Variants in GPC4 observed in about 807,000 individuals in gnomAD.
GPC4 encodes glypican 4, also known as glypican-4.
A neutral mutation model predicts 35.0 loss-of-function variants in GPC4; 10 were observed. The observed-to-expected ratio is 0.29, with a 90% CI of 0.18 to 0.48. The LOEUF is 0.48. Ranked by LOEUF, GPC4 falls within the 20% of genes least tolerant of loss-of-function variation. The pLI, the probability that GPC4 is intolerant of heterozygous loss-of-function variation, is 0.99. For missense variants in GPC4, 322 were observed against 451.3 expected (o/e 0.71, Z 2.60); for synonymous variants, 167 against 170.2 (o/e 0.98, Z 0.15).
At chrX:133,391,154 G>C (rs111468633) in intron 1 of GPC4, among the ~76,000 whole-genome samples, 4 of 112,096 alleles carry the variant, frequency 3.6e-5, no homozygotes, top group African/African-American at 1.3e-4. Flanking sequence ...TGCTGTTGTT[G>C]TTATCATCTG....
chrX:133,335,417 T>A (rs1265165698), intron 2 of GPC4, among the ~76,000 whole-genome samples: 1 of 111,035 alleles, frequency 9.0e-6, no homozygotes, highest in Non-Finnish European at 1.9e-5. Flanking sequence ...GGGGAGGAAG[T>A]GTTCTCTTGT....
At chrX:133,391,239 A>G (rs745405489) in intron 1 of GPC4, among the ~76,000 whole-genome samples, 5 of 112,048 alleles carry the variant, frequency 4.5e-5, no homozygotes, top group Non-Finnish European at 9.4e-5. Context: ...AGGCCATGCA[A>G]CAAACATCCC....
intron 1 of GPC4, among the ~76,000 whole-genome samples, chrX:133,346,354 T>C (rs1485060019): frequency 9.0e-6 from 1 of 111,348 alleles, no homozygotes; most frequent in Non-Finnish European, 1.9e-5. Flanking sequence ...ATGTCCAAAG[T>C]TTTTCTTTTA....
intron 6 of GPC4, 30 bp from the exon 7 acceptor site, chrX:133,304,891 G>T: frequency 8.3e-7 from 1 of 1,200,942 alleles, no homozygotes; most frequent in South Asian, 1.8e-5. Flanking sequence ...AACAAAAAAA[G>T]ATCATTGTAA....
chrX:133,402,984 C>G (rs1449052414), intron 1 of GPC4, among the ~76,000 whole-genome samples: 2 of 108,928 alleles, frequency 1.8e-5, no homozygotes, highest in Non-Finnish European at 3.8e-5. Flanking sequence ...ATGTCTGGAA[C>G]AGACAGCGTA....
At chrX:133,376,284 CT>C (rs2068632855) in intron 1 of GPC4, among the ~76,000 whole-genome samples, 1 of 111,938 alleles carries the variant, frequency 8.9e-6, no homozygotes, top group Non-Finnish European at 1.9e-5. Flanking sequence ...CTACCCCGGG[CT>C]CTCCCCTGCC....
chrX:133,350,691 A>G (rs1021349979), intron 1 of GPC4, among the ~76,000 whole-genome samples: 1 of 112,435 alleles, frequency 8.9e-6, no homozygotes, highest in Non-Finnish European at 1.9e-5. Context: ...TTTAAAACCC[A>G]CTTCACAAAA....
Position 133,371,745 on chromosome X carries a change from A to G in GPC4, c.161-32404T>C, listed in dbSNP as rs182839122. 3.6e-5 allele frequency among the ~76,000 whole-genome samples: 4 copies of G among 111,859 alleles called. No individual in the cohort carries two copies. The East Asian group carries it at 1.1e-3, about 31-fold the overall frequency. On this transcript the variant is annotated intron_variant, in intron 1 of 8. Transcript: ENST00000370828. ...CAAACCTTAGGCCATTATACCACTT[A>G]AAATGTTTTTCATAGGGAGAGGCAA... is the stretch of plus-strand genomic sequence containing the variant.
At chrX:133,307,584 G>GA (rs746677916) in intron 4 of GPC4, among the ~76,000 whole-genome samples, 3 of 111,143 alleles carry the variant, frequency 2.7e-5, no homozygotes, top group Non-Finnish European at 3.8e-5. Flanking sequence ...CTACAGGAGA[G>GA]AAAAAAAATG....
chrX:133,394,326 A>G (rs189654351), intron 1 of GPC4, among the ~76,000 whole-genome samples: 88 of 110,561 alleles, frequency 8.0e-4, no homozygotes, highest in Non-Finnish European at 1.2e-3. Flanking sequence ...GGATCGTGAT[A>G]TGTAAAACAT....
chrX:133,332,190 T>C (rs1460944534), intron 2 of GPC4, among the ~76,000 whole-genome samples: 1 of 111,913 alleles, frequency 8.9e-6, no homozygotes, highest in Non-Finnish European at 1.9e-5. Context: ...TTCCTCATTA[T>C]AGCAACTTGA....
intron 1 of GPC4, among the ~76,000 whole-genome samples, chrX:133,404,566 G>A (rs763659640): frequency 0.03 from 1,680 of 55,975 alleles, no homozygotes; most frequent in African/African-American, 0.076. Flanking sequence ...AAAAAAAAAA[G>A]AAGGTGCAGA....
intron 1 of GPC4, among the ~76,000 whole-genome samples, chrX:133,360,285 G>T (rs2068561264): frequency 9.0e-6 from 1 of 111,330 alleles, no homozygotes; most frequent in African/African-American, 3.3e-5. Context: ...AAAAGGTCAG[G>T]GCAATTATTT....
chrX:133,377,193 G>A (rs990838979), intron 1 of GPC4, among the ~76,000 whole-genome samples: 4 of 112,164 alleles, frequency 3.6e-5, no homozygotes, highest in Non-Finnish European at 7.5e-5. Context: ...TCTGCCAACT[G>A]TGGGATCATG....
chrX:133,414,688 T>C, intron 1 of GPC4, 118 bp downstream of exon 1: 2 of 1,153,066 alleles, frequency 1.7e-6, no homozygotes, highest in Non-Finnish European at 2.3e-6. Flanking sequence ...GACTGCCCAT[T>C]TCTCCCTCTA....
intron 2 of GPC4, among the ~76,000 whole-genome samples, chrX:133,330,858 G>A (rs1014297883): frequency 4.5e-5 from 5 of 110,811 alleles, no homozygotes; most frequent in African/African-American, 1.6e-4. Flanking sequence ...TGGGAGAATC[G>A]CTTAAGCCCA....
chrX:133,388,952 C>CTTTT (rs759257116), intron 1 of GPC4, among the ~76,000 whole-genome samples: 6 of 53,469 alleles, frequency 1.1e-4, no homozygotes, highest in African/African-American at 3.4e-4. Flanking sequence ...TACCCATAGC[C>CTTTT]TTTTTTTTTT....
In GPC4 at chrX:133,303,776, C is replaced by T. The variant is rs181101583; in HGVS notation, c.1293-435G>A. 5.3e-3 allele frequency among the ~76,000 whole-genome samples: 584 copies of T among 110,562 alleles called. 3 individuals are homozygous for T. The highest frequency in any genetic ancestry group is 0.018 in the African/African-American group (548 of 30,397). On this transcript the variant is annotated intron_variant, in intron 7 of 8. Transcript: ENST00000370828. ...CTGACACAGGAGAATCACTTGAACCCAGGAGGCGAAGGTTGCAGTGAGCCA... is the reference window on the plus strand; with the variant it reads ...CTGACACAGGAGAATCACTTGAACCTAGGAGGCGAAGGTTGCAGTGAGCCA...
chrX:133,403,460 A>G (rs1223731775), intron 1 of GPC4, among the ~76,000 whole-genome samples: 1 of 111,113 alleles, frequency 9.0e-6, no homozygotes, highest in Non-Finnish European at 1.9e-5. Flanking sequence ...ATGAGGGTTT[A>G]CCTCCCAGAG....
Sources: gnomAD v4.1 joint callset for allele counts (sites outside exome capture counted in the v4.1 genomes callset) on GRCh38, gnomAD v4.1.1 for gene constraint, MANE v1.5 for transcripts, NCBI Gene and HGNC (gene_info 2026-07-23, HGNC 2026-07-21) for gene names.